The following RASGRP3 variants were observed in gnomAD, a reference collection of about 807,000 sequenced individuals.
RASGRP3 encodes the protein ras guanyl-releasing protein 3.
Under a neutral mutation model 82.7 loss-of-function variants are expected in RASGRP3, and 54 were observed. That is an observed-to-expected ratio of 0.65 (90% confidence interval 0.52 to 0.82). The LOEUF is 0.82. RASGRP3 is among the 40% of genes least tolerant of loss of function. RASGRP3 has a pLI of 0.00. For missense variants in RASGRP3, 861 were observed against 828.9 expected, an observed-to-expected ratio of 1.04 and a Z score of -0.48; for synonymous variants, 309 against 300.5, an observed-to-expected ratio of 1.03 and a Z score of -0.29.
chr2:33,437,756 C>T (rs1413682279), intron 1 of RASGRP3, among the ~76,000 whole-genome samples: 1 of 151,778 alleles, frequency 6.6e-6, no homozygotes, highest in Admixed American at 6.6e-5. Context: ...ATTATAATTC[C>T]ATGGAAACTG....
intron 2 of RASGRP3, among the ~76,000 whole-genome samples, chr2:33,467,976 G>A (rs963602858): frequency 3.4e-5 from 5 of 146,288 alleles, no homozygotes; most frequent in East Asian, 2.1e-4. Flanking sequence ...TGGATGGTGA[G>A]GCTTTTTCTT....
At chr2:33,487,826 A>T (rs1270758813) in intron 1 of RASGRP3, among the ~76,000 whole-genome samples, 2 of 152,198 alleles carry the variant, frequency 1.3e-5, no homozygotes, top group African/African-American at 4.8e-5. Flanking sequence ...AATGCCAGCC[A>T]TGGTGGCTCA....
intron 4 of RASGRP3, 120 bp from the exon 5 acceptor site, chr2:33,519,832 G>T: frequency 1.6e-6 from 1 of 637,970 alleles, no homozygotes; most frequent in Non-Finnish European, 2.8e-6. Flanking sequence ...CTCCGTATTT[G>T]AGTGTCTATA....
chr2:33,558,705 C>G lies in RASGRP3; in HGVS notation c.1739C>G (p.Thr580Ser). 1 of 1,612,558 alleles carries G rather than the reference C, an allele frequency of 6.2e-7. No homozygotes were observed. The highest frequency in any genetic ancestry group is 8.5e-7 in the Non-Finnish European group (1 of 1,179,264). ...QDEVFEFPGV[T>S]AGHRDLDSRA... ...GAGGTGTTTGAGTTCCCTGGAGTCA[C>G]TGCTGGACACAGGGATTTAGACAGC... The change falls in exon 17 of 18, where the codon ACT becomes AGT. Residue 580 changes from threonine (T) to serine (S), a missense_variant. By Grantham distance (58) the Thr-to-Ser change is moderately conservative (BLOSUM62 1). Transcript: ENST00000403687.
At chr2:33,511,484 T>TTTTA (rs921013888) in intron 1 of RASGRP3, among the ~76,000 whole-genome samples, 82 of 152,332 alleles carry the variant, frequency 5.4e-4, no homozygotes, top group African/African-American at 1.5e-3. Context: ...ATATGTGGGT[T>TTTTA]TTTAATAGGC....
At chr2:33,455,868 G>A (rs1275646854) in intron 2 of RASGRP3, among the ~76,000 whole-genome samples, 1 of 152,138 alleles carries the variant, frequency 6.6e-6, no homozygotes, top group East Asian at 1.9e-4. Context: ...CAGCTAGGAG[G>A]TCCCAGAGGT....
intron 12 of RASGRP3, 29 bp downstream of exon 12, chr2:33,539,239 G>C (rs1299020099): frequency 4.1e-6 from 6 of 1,468,584 alleles, no homozygotes; most frequent in Non-Finnish European, 5.6e-6. Flanking sequence ...ATAAAGAGAG[G>C]GCACTAGAAG....
Position 33,520,632 on chromosome 2 carries a change from G to T in RASGRP3, c.316G>T (p.Ala106Ser), listed in dbSNP as rs1174701629. ...IRMTEEFREVASQLGYEKHVS... is the reference protein window; with the variant it reads ...IRMTEEFREVSSQLGYEKHVS... ...TATGACTGAGGAATTTCGGGAAGTA[G>T]CTAGTCAACTAGGATATGAAAAACA... Residue 106 changes from alanine to serine, a missense_variant, in exon 6 of 18, where the codon GCT becomes TCT. Coordinates refer to ENST00000403687, the MANE Select transcript of RASGRP3 (RefSeq NM_001139488.2). 1.2e-6 allele frequency: 2 copies of T among 1,614,012 alleles called. No individual in the cohort carries two copies. Among genetic ancestry groups the T allele is most frequent in the South Asian group, 2.2e-5 (2 of 91,080 alleles).
rs1276349796 is a variant in RASGRP3, at chr2:33,539,036, C to T, written c.1162-58C>T. The T allele has an allele frequency of 5.5e-6, 7 of 1,268,782 alleles. No homozygotes were observed. In the East Asian group the frequency reaches 1.5e-4, roughly 28 times the overall value. The allele number at this position is 1,268,782 out of a possible 1,614,324, so 78.6% of individuals were successfully genotyped here. A position where few individuals can be genotyped will look rare whatever the true frequency, so the allele number is the denominator to read the frequency against. ...CCTGGGCGACAGAACCAGACCCTGT[C>T]TCAAAATAATAATAATAATAAAGTT... is the stretch of plus-strand genomic sequence containing the variant. On this transcript the variant is annotated intron_variant, in intron 11 of 17. Coordinates refer to ENST00000403687, the MANE Select transcript of RASGRP3 (RefSeq NM_001139488.2).
chr2:33,469,374 C>A (rs186770748), intron 2 of RASGRP3, among the ~76,000 whole-genome samples: 1 of 151,878 alleles, frequency 6.6e-6, no homozygotes, highest in East Asian at 1.9e-4. Context: ...GTGATTGAAA[C>A]GTTTTCAGGA....
chr2:33,529,979 G>C (rs566276195), intron 10 of RASGRP3, among the ~76,000 whole-genome samples: 1 of 152,164 alleles, frequency 6.6e-6, no homozygotes, highest in East Asian at 1.9e-4. Context: ...CAAGAAGAAA[G>C]TTTAGTGCAT....
chr2:33,503,398 G>T (rs1314674043), intron 1 of RASGRP3, among the ~76,000 whole-genome samples: 2 of 152,096 alleles, frequency 1.3e-5, no homozygotes. Context: ...GAAATTAGTT[G>T]ATGTCTTAGA....
Position 33,467,988 on chromosome 2 carries a change from CTTT to C in RASGRP3, c.-261+20046_-261+20048del, listed in dbSNP as rs1574264525. Among the ~76,000 whole-genome samples, 11 of 26,298 alleles carry C rather than the reference CTTT, an allele frequency of 4.2e-4. No individual in the cohort carries two copies. The East Asian group carries it at 4.2e-3, about 10-fold the overall frequency. The allele number at this position is 26,298 out of a possible 152,430, so 17.3% of individuals were successfully genotyped here. A position where few individuals can be genotyped will look rare whatever the true frequency, so the allele number is the denominator to read the frequency against. Reference sequence around the variant, plus strand: ...TAATGGATGGTGAGGCTTTTTCTTTCTTTCTTTCTTTCTTTCTTTCTTTCTTTC... The same window carrying C: ...TAATGGATGGTGAGGCTTTTTCTTTCCTTTCTTTCTTTCTTTCTTTCTTTC... On this transcript the variant is annotated intron_variant, in intron 2 of 18. Coordinates refer to the RASGRP3 transcript ENST00000402538.
chr2:33,508,287 T>C (rs1481800558), intron 1 of RASGRP3, among the ~76,000 whole-genome samples: 4 of 152,200 alleles, frequency 2.6e-5, no homozygotes, highest in Non-Finnish European at 5.9e-5. Flanking sequence ...AATTTTGAGT[T>C]AACTTCTAGA....
intron 4 of RASGRP3, among the ~76,000 whole-genome samples, chr2:33,518,709 A>T (rs1574403745): frequency 1.3e-5 from 2 of 150,000 alleles, no homozygotes; most frequent in Non-Finnish European, 1.5e-5. Flanking sequence ...CTCTATTTAA[A>T]TTTTTTTTTT....
At chr2:33,447,895 C>T (rs927884814) in exon 2 of RASGRP3, 3 of 152,168 alleles carry the variant, frequency 2.0e-5, no homozygotes, top group African/African-American at 7.2e-5. Context: ...CCTGCGGCAC[C>T]CCTCTGATGA....
At chr2:33,531,235 C>T (rs1476249973) in intron 10 of RASGRP3, among the ~76,000 whole-genome samples, 2 of 152,166 alleles carry the variant, frequency 1.3e-5, no homozygotes, top group African/African-American at 2.4e-5. Context: ...CAACTTGAAA[C>T]AGTGGATAAG....
chr2:33,552,482 A>T (rs958446239), intron 14 of RASGRP3, among the ~76,000 whole-genome samples: 48 of 152,252 alleles, frequency 3.2e-4, no homozygotes, highest in African/African-American at 1.1e-3. Context: ...TTTTGTTTTT[A>T]AAATATATTT....
At chr2:33,520,852 C>T (rs1671964060) in intron 6 of RASGRP3, among the ~76,000 whole-genome samples, 168 bp downstream of exon 6, 1 of 152,190 alleles carries the variant, frequency 6.6e-6, no homozygotes, top group South Asian at 2.1e-4. Flanking sequence ...CAGCTCATCT[C>T]TCCAAGCTTC....
Sources: allele counts gnomAD v4.1 joint callset (sites outside exome capture counted in the v4.1 genomes callset), GRCh38; gene constraint gnomAD v4.1.1; transcripts MANE v1.5; gene names NCBI Gene and HGNC (gene_info 2026-07-23, HGNC 2026-07-21).